Variants in TRIM44 observed in about 807,000 individuals in gnomAD.
TRIM44 encodes the protein tripartite motif-containing protein 44.
Under a neutral mutation model 37.4 loss-of-function variants are expected in TRIM44, and 13 were observed. That is an observed-to-expected ratio of 0.35 (90% CI 0.23 to 0.55). The LOEUF (loss-of-function observed/expected upper bound fraction) is 0.55. Ranked by LOEUF, TRIM44 falls within the 20% of genes least tolerant of loss-of-function variation. The pLI, the probability that TRIM44 is intolerant of heterozygous loss-of-function variation, is 0.89. For missense variants in TRIM44, 426 were observed against 437.2 expected, an observed-to-expected ratio of 0.97 and a Z score of 0.23; for synonymous variants, 175 against 157.2, an observed-to-expected ratio of 1.11 and a Z score of -0.85.
chr11:35,703,810 A>G (rs932528122), intron 2 of TRIM44, among the ~76,000 whole-genome samples: 7 of 148,164 alleles, frequency 4.7e-5, no homozygotes, highest in East Asian at 2.6e-4. Context: ...CAAAGATGGG[A>G]AAAAAACAGC....
At chr11:35,782,340 TG>T (rs1786837495) in intron 4 of TRIM44, among the ~76,000 whole-genome samples, 1 of 152,184 alleles carries the variant, frequency 6.6e-6, no homozygotes, top group African/African-American at 2.4e-5. Flanking sequence ...CCTATACTTA[TG>T]TATAGGGCTT....
intron 1 of TRIM44, among the ~76,000 whole-genome samples, chr11:35,675,723 T>C (rs947955518): frequency 6.6e-6 from 1 of 152,144 alleles, no homozygotes; most frequent in African/African-American, 2.4e-5. Context: ...GGTTTCACTA[T>C]TTTGGCCAGG....
chr11:35,792,684 G>A (rs1465230811), intron 4 of TRIM44, among the ~76,000 whole-genome samples: 1 of 152,174 alleles, frequency 6.6e-6, no homozygotes, highest in Non-Finnish European at 1.5e-5. Flanking sequence ...CAAACTAGGG[G>A]TAAAATAGTG....
At position 35,778,558 on chromosome 11, in the gene TRIM44, C is replaced by T. The variant is rs183778108; in HGVS notation, c.1008-27800C>T. Among the ~76,000 whole-genome samples, 839 of 152,178 alleles carry T rather than the reference C, an allele frequency of 5.5e-3. 12 individuals carry two copies. Among genetic ancestry groups the T allele is most frequent in the Non-Finnish European group, 6.9e-3 (469 of 67,990 alleles). On this transcript the variant is annotated intron_variant, in intron 4 of 4. Transcript: ENST00000299413. ...AGGTGCTCTAATTTTTAGAATTTTT[C>T]GATTTTCTGCTCTGGTTTCTCCCCA...
chr11:35,733,293 T>A (rs375309297), intron 3 of TRIM44, among the ~76,000 whole-genome samples: 1 of 152,176 alleles, frequency 6.6e-6, no homozygotes, highest in East Asian at 1.9e-4. Context: ...CACCAAGGTA[T>A]GTGATTTTGA....
intron 2 of TRIM44, among the ~76,000 whole-genome samples, chr11:35,707,570 G>T (rs1851904476): frequency 6.7e-6 from 1 of 149,618 alleles, no homozygotes; most frequent in South Asian, 2.1e-4. Flanking sequence ...CAGAGATATA[G>T]ATCATTGGAA....
intron 4 of TRIM44, among the ~76,000 whole-genome samples, chr11:35,741,323 A>C (rs2135524453): frequency 6.6e-6 from 1 of 152,300 alleles, no homozygotes; most frequent in South Asian, 2.1e-4. Flanking sequence ...TTGAAGCCAC[A>C]CTATGCATTG....
chr11:35,705,012 A>G (rs1455376858), intron 2 of TRIM44, among the ~76,000 whole-genome samples: 1 of 148,634 alleles, frequency 6.7e-6, no homozygotes, highest in African/African-American at 2.5e-5. Context: ...GTATTCAGGA[A>G]ACCCATCTCA....
intron 4 of TRIM44, among the ~76,000 whole-genome samples, chr11:35,761,589 T>C (rs1057203664): frequency 1.8e-4 from 27 of 152,234 alleles, no homozygotes; most frequent in African/African-American, 6.3e-4. Context: ...TTAATCCTTA[T>C]AATAACCTCA....
chr11:35,692,282 A>G (rs1033993346), intron 2 of TRIM44, among the ~76,000 whole-genome samples: 18 of 152,254 alleles, frequency 1.2e-4, no homozygotes, highest in African/African-American at 3.8e-4. Context: ...AACCTGGATG[A>G]TTCTCATGCA....
At chr11:35,756,584 A>G (rs1246053352) in intron 4 of TRIM44, among the ~76,000 whole-genome samples, 1 of 152,048 alleles carries the variant, frequency 6.6e-6, no homozygotes, top group African/African-American at 2.4e-5. Context: ...GTCTTGTGCC[A>G]GTTTTCAAAG....
chr11:35,802,684 G>A (rs1409505251), intron 4 of TRIM44, among the ~76,000 whole-genome samples: 4 of 152,058 alleles, frequency 2.6e-5, no homozygotes, highest in African/African-American at 4.8e-5. Flanking sequence ...AGCTAAGGCC[G>A]GTTAACTAAA....
chr11:35,746,693 A>G (rs1490843902), intron 4 of TRIM44, among the ~76,000 whole-genome samples: 1 of 152,128 alleles, frequency 6.6e-6, no homozygotes, highest in African/African-American at 2.4e-5. Context: ...GCTGAGTTAC[A>G]ACTGGAGTAC....
intron 2 of TRIM44, among the ~76,000 whole-genome samples, chr11:35,691,563 A>G (rs1436144652): frequency 1.3e-5 from 2 of 152,238 alleles, no homozygotes; most frequent in East Asian, 3.8e-4. Flanking sequence ...ACATTAGTCT[A>G]TAGTTGGGCA....
At chr11:35,787,749 C>T (rs1032279722) in intron 4 of TRIM44, among the ~76,000 whole-genome samples, 1 of 152,156 alleles carries the variant, frequency 6.6e-6, no homozygotes, top group South Asian at 2.1e-4. Context: ...TAGTGAGTGT[C>T]AATGTCAGGG....
At chr11:35,797,664 G>A (rs1056132113) in intron 4 of TRIM44, among the ~76,000 whole-genome samples, 2 of 152,188 alleles carry the variant, frequency 1.3e-5, no homozygotes, top group African/African-American at 4.8e-5. Context: ...AAAAACATCA[G>A]ACAGCTTCCG....
At chr11:35,793,197 G>A (rs907349169) in intron 4 of TRIM44, among the ~76,000 whole-genome samples, 4 of 150,280 alleles carry the variant, frequency 2.7e-5, no homozygotes, top group South Asian at 4.2e-4. Context: ...CTAGCTGTGC[G>A]GCTTCTTTTT....
intron 4 of TRIM44, among the ~76,000 whole-genome samples, chr11:35,736,621 T>C (rs1232155390): frequency 6.6e-6 from 1 of 152,206 alleles, no homozygotes; most frequent in African/African-American, 2.4e-5. Flanking sequence ...CTGCATCTCT[T>C]GGTGTGTTCT....
rs997339473 is a variant in TRIM44, at chr11:35,663,018, A to G, written c.-94A>G. On this transcript the variant is annotated 5_prime_UTR_variant, in exon 1 of 5. Transcript: ENST00000299413. ...TCCAGGCGGGAGGCGACTCCCTAGGAAGGGACCCGGGGCGGGAGGAGGAAG... is the reference window on the plus strand; with the variant it reads ...TCCAGGCGGGAGGCGACTCCCTAGGGAGGGACCCGGGGCGGGAGGAGGAAG... 1 of 1,432,950 alleles carries G rather than the reference A, an allele frequency of 7.0e-7. No individual in the cohort carries two copies. Among genetic ancestry groups the G allele is most frequent in the Non-Finnish European group, 9.1e-7 (1 of 1,099,124 alleles). 88.8% of individuals were successfully genotyped at this position (1,432,950 alleles called of 1,614,324 possible).
Sources: allele counts gnomAD v4.1 joint callset (sites outside exome capture counted in the v4.1 genomes callset), GRCh38; gene constraint gnomAD v4.1.1; transcripts MANE v1.5; gene names NCBI Gene and HGNC (gene_info 2026-07-23, HGNC 2026-07-21).